The following GNA14 variants were observed in gnomAD, a reference collection of about 807,000 sequenced individuals.
GNA14 encodes the protein guanine nucleotide-binding protein subunit alpha-14.
A neutral mutation model predicts 42.0 loss-of-function variants in GNA14; 50 were observed. The ratio of observed to expected loss-of-function variants is 1.19; its 90% CI spans 0.95 to 1.51. The LOEUF is 1.51. Ranked by LOEUF, GNA14 falls within the 40% of genes most tolerant of loss-of-function variation. GNA14 has a pLI of 0.00. For missense variants in GNA14, 473 were observed against 446.2 expected, an observed-to-expected ratio of 1.06 and a Z score of -0.54; for synonymous variants, 173 against 163.1, an observed-to-expected ratio of 1.06 and a Z score of -0.46.
chr9:77,444,108 T>C (rs1835777174), intron 2 of GNA14, among the ~76,000 whole-genome samples: 1 of 152,198 alleles, frequency 6.6e-6, no homozygotes, highest in Non-Finnish European at 1.5e-5. Flanking sequence ...ATGTGTGGCC[T>C]TGCACCGTGC....
intron 1 of GNA14, among the ~76,000 whole-genome samples, chr9:77,586,983 T>C (rs1823315620): frequency 6.6e-6 from 1 of 151,426 alleles, no homozygotes; most frequent in Non-Finnish European, 1.5e-5. Context: ...CTGGTTTTTT[T>C]TTTTTTTTTA....
chr9:77,454,712 T>C (rs987339131), intron 2 of GNA14, among the ~76,000 whole-genome samples: 2 of 151,964 alleles, frequency 1.3e-5, no homozygotes, highest in East Asian at 3.9e-4. Context: ...CTTCTGCAAA[T>C]GTGAGTCAGT....
intron 2 of GNA14, among the ~76,000 whole-genome samples, chr9:77,461,895 A>C (rs1467562920): frequency 6.6e-6 from 1 of 152,194 alleles, no homozygotes; most frequent in African/African-American, 2.4e-5. Context: ...TAATAAGCAC[A>C]TGCCTTATTG....
At chr9:77,479,517 G>T (rs1441189798) in intron 2 of GNA14, among the ~76,000 whole-genome samples, 1 of 151,978 alleles carries the variant, frequency 6.6e-6, no homozygotes, top group Admixed American at 6.6e-5. Flanking sequence ...CTCTTTTTTG[G>T]TTCCATATGA....
intron 1 of GNA14, among the ~76,000 whole-genome samples, chr9:77,628,716 A>G (rs12342113): frequency 0.28 from 42,754 of 151,988 alleles, 6,909 homozygotes; most frequent in African/African-American, 0.44. Context: ...CCCCTTCCTT[A>G]CCCCTTACAC....
At chr9:77,539,688 T>C (rs1837636568) in intron 1 of GNA14, among the ~76,000 whole-genome samples, 2 of 152,186 alleles carry the variant, frequency 1.3e-5, no homozygotes, top group Non-Finnish European at 2.9e-5. Context: ...TCCCAGTAGT[T>C]GTAATTGATT....
At chr9:77,600,402 T>G (rs755475894) in intron 1 of GNA14, among the ~76,000 whole-genome samples, 2 of 152,218 alleles carry the variant, frequency 1.3e-5, no homozygotes, top group Non-Finnish European at 1.5e-5. Flanking sequence ...AGCAATTGAT[T>G]TCTCCTTTAA....
At chr9:77,438,139 A>T (rs1167691774) in intron 2 of GNA14, among the ~76,000 whole-genome samples, 1 of 152,190 alleles carries the variant, frequency 6.6e-6, no homozygotes, top group Admixed American at 6.5e-5. Flanking sequence ...TCTGGCTTGA[A>T]AGAAGCAGAG....
chr9:77,504,231 A>G (rs1002011063), intron 2 of GNA14, among the ~76,000 whole-genome samples: 6 of 152,176 alleles, frequency 3.9e-5, no homozygotes. Flanking sequence ...TCCATCAGAA[A>G]TTCTTTTCAA....
At chr9:77,464,377 G>GTATGTGTGTGTGTGTGTGTGTGTA (rs1342072030) in intron 2 of GNA14, among the ~76,000 whole-genome samples, 4 of 150,414 alleles carry the variant, frequency 2.7e-5, no homozygotes, top group African/African-American at 9.8e-5. Context: ...GTGTGTGTGT[G>GTATGTGTGTGTGTGTGTGTGTGTA]TGTGTGTGTG....
chr9:77,551,716 T>C (rs113542853), intron 1 of GNA14, among the ~76,000 whole-genome samples: 4 of 151,812 alleles, frequency 2.6e-5, no homozygotes, highest in African/African-American at 7.2e-5. Context: ...CAAGAAACAA[T>C]AAGAAAAAGA....
chr9:77,502,911 C>T (rs1017011648), intron 2 of GNA14, among the ~76,000 whole-genome samples: 2 of 152,130 alleles, frequency 1.3e-5, no homozygotes, highest in Non-Finnish European at 2.9e-5. Flanking sequence ...GTGCTTCGGT[C>T]TCAGGGAGCA....
intron 1 of GNA14, among the ~76,000 whole-genome samples, chr9:77,556,057 C>G (rs766046665): frequency 7.9e-4 from 120 of 152,152 alleles, no homozygotes; most frequent in Non-Finnish European, 1.2e-3. Context: ...TCAGCTTGGC[C>G]AACATGGTGA....
intron 1 of GNA14, among the ~76,000 whole-genome samples, chr9:77,560,054 G>A (rs1331659175): frequency 6.6e-6 from 1 of 152,130 alleles, no homozygotes; most frequent in African/African-American, 2.4e-5. Flanking sequence ...TGATGCCAGA[G>A]CTTGCCCCTA....
chr9:77,522,189 T>C (rs1837368031), intron 2 of GNA14, among the ~76,000 whole-genome samples: 1 of 152,244 alleles, frequency 6.6e-6, no homozygotes, highest in East Asian at 1.9e-4. Flanking sequence ...TCTGCATCTC[T>C]GATTGTCTTA....
At chr9:77,639,580 G>A (rs941474930) in intron 1 of GNA14, among the ~76,000 whole-genome samples, 1 of 152,212 alleles carries the variant, frequency 6.6e-6, no homozygotes, top group African/African-American at 2.4e-5. Flanking sequence ...GCAGAAGATG[G>A]TCACAGGTGA....
intron 1 of GNA14, among the ~76,000 whole-genome samples, chr9:77,542,805 G>A (rs973739080): frequency 4.6e-5 from 7 of 152,304 alleles, no homozygotes; most frequent in Admixed American, 4.6e-4. Flanking sequence ...CAATGGTGTT[G>A]GACTGTGTTC....
intron 2 of GNA14, among the ~76,000 whole-genome samples, chr9:77,513,731 T>C (rs975767503): frequency 2.0e-5 from 3 of 152,246 alleles, no homozygotes; most frequent in African/African-American, 7.2e-5. Flanking sequence ...GAACACATGA[T>C]GACCTTATAG....
At chr9:77,545,788 A>C (rs937475428) in intron 1 of GNA14, among the ~76,000 whole-genome samples, 1 of 152,252 alleles carries the variant, frequency 6.6e-6, no homozygotes, top group East Asian at 1.9e-4. Flanking sequence ...TGTTACTACT[A>C]TATCTTTACA....
Sources: allele counts gnomAD v4.1 joint callset (sites outside exome capture counted in the v4.1 genomes callset), GRCh38; gene constraint gnomAD v4.1.1; transcripts MANE v1.5; gene names NCBI Gene and HGNC (gene_info 2026-07-23, HGNC 2026-07-21).